TGFBR2: variants seen among roughly 807,000 people sequenced by gnomAD.
The protein encoded by TGFBR2 is transforming growth factor beta receptor 2.
TGFBR2 carries 18 observed loss-of-function variants against 49.0 expected under a neutral mutation model. The observed-to-expected ratio is 0.37, with a 90% CI of 0.25 to 0.54. The LOEUF (loss-of-function observed/expected upper bound fraction) is 0.54. Among genes scored for constraint, TGFBR2 ranks in the 20% least tolerant of loss-of-function variants. The probability of loss-of-function intolerance (pLI) is 0.85; values close to 1 mark genes in which losing one functional copy is unlikely to be tolerated. For synonymous variants in TGFBR2, 282 were observed against 275.9 expected (o/e 1.02, Z -0.22); for missense variants, 525 against 722.6 (o/e 0.73, Z 3.13).
intron 3 of TGFBR2, among the ~76,000 whole-genome samples, chr3:30,654,133 A>T (rs1052804119): frequency 5.1e-4 from 78 of 152,028 alleles, no homozygotes; most frequent in African/African-American, 1.8e-3. Context: ...TATGCATATG[A>T]TAAAAAATTC....
intron 1 of TGFBR2, among the ~76,000 whole-genome samples, chr3:30,628,678 C>A (rs530268572): frequency 4.0e-5 from 6 of 151,864 alleles, no homozygotes; most frequent in Non-Finnish European, 8.8e-5. Flanking sequence ...TTACTTGATA[C>A]CTTAGGAGTC....
At chr3:30,663,184 C>CTG (rs139503158) in intron 3 of TGFBR2, among the ~76,000 whole-genome samples, 8,416 of 151,234 alleles carry the variant, frequency 0.056, 546 homozygotes, top group East Asian at 0.35. Flanking sequence ...CACTCTCTTT[C>CTG]TGTGTGTGTG....
Position 30,650,463 on chromosome 3 carries a change from G to C in TGFBR2, c.454+3G>C, listed in dbSNP as rs2125410813. The C allele has an allele frequency of 6.2e-7, 1 of 1,613,914 alleles. No individual in the cohort carries two copies. The highest frequency in any genetic ancestry group is 8.5e-7 in the Non-Finnish European group (1 of 1,179,902). ...TGACAACATCATCTTCTCAGAAGGT[G>C]AGTTTTCTTCTCTTAAGGGTGTGGG... On this transcript the variant is annotated splice_donor_region_variant and intron_variant, in intron 3 of 6. Coordinates refer to ENST00000295754, the MANE Select transcript of TGFBR2 (RefSeq NM_003242.6).
Position 30,691,623 on chromosome 3 carries a change from T to G in TGFBR2, c.*24T>G. The G allele has an allele frequency of 1.2e-6, 2 of 1,613,792 alleles. No homozygotes were observed. The highest frequency in any genetic ancestry group is 1.7e-6 in the Non-Finnish European group (2 of 1,179,788). On this transcript the variant is annotated 3_prime_UTR_variant, in exon 7 of 7. Coordinates refer to ENST00000295754, the MANE Select transcript of TGFBR2 (RefSeq NM_003242.6). ...AGCTCTTCTGGGGCAGGCTGGGCCA[T>G]GTCCAAAGAGGCTGCCCCTCTCACC...
intron 1 of TGFBR2, among the ~76,000 whole-genome samples, 188 bp from the exon 2 acceptor site, chr3:30,644,559 C>A (rs1294876927): frequency 6.6e-6 from 1 of 152,070 alleles, no homozygotes; most frequent in Non-Finnish European, 1.5e-5. Flanking sequence ...CACCACGGTA[C>A]AATGGATTTT....
chr3:30,612,965 A>G (rs1698057049), intron 1 of TGFBR2, among the ~76,000 whole-genome samples: 1 of 152,070 alleles, frequency 6.6e-6, no homozygotes, highest in Admixed American at 6.5e-5. Flanking sequence ...TCTTGGGTGT[A>G]GTCAGTTTAG....
chr3:30,638,197 C>T (rs1308717405), intron 1 of TGFBR2, among the ~76,000 whole-genome samples: 1 of 152,092 alleles, frequency 6.6e-6, no homozygotes, highest in East Asian at 1.9e-4. Flanking sequence ...TATTTGTTTC[C>T]AATAAGCATT....
intron 6 of TGFBR2, among the ~76,000 whole-genome samples, chr3:30,689,738 T>TA (rs1288778630): frequency 1.3e-5 from 2 of 152,202 alleles, no homozygotes; most frequent in Non-Finnish European, 2.9e-5. Context: ...GCTGGAGTGT[T>TA]ATGTTTCTTT....
chr3:30,626,633 A>C, intron 1 of TGFBR2: 1 of 152,608 alleles, frequency 6.6e-6, no homozygotes, highest in Non-Finnish European at 1.5e-5. Flanking sequence ...GCCATGGCCA[A>C]AGCAGGCAGT....
At chr3:30,655,053 C>T (rs1354240076) in intron 3 of TGFBR2, among the ~76,000 whole-genome samples, 1 of 152,208 alleles carries the variant, frequency 6.6e-6, no homozygotes, top group Non-Finnish European at 1.5e-5. Flanking sequence ...GACTTGACAT[C>T]TCCATGCTTC....
At chr3:30,613,688 C>A (rs921312269) in intron 1 of TGFBR2, among the ~76,000 whole-genome samples, 2 of 152,156 alleles carry the variant, frequency 1.3e-5, no homozygotes, top group Non-Finnish European at 2.9e-5. Flanking sequence ...TTAAACCACC[C>A]ATTTCTGTGG....
At chr3:30,609,323 G>A (rs1041128135) in intron 1 of TGFBR2, among the ~76,000 whole-genome samples, 3 of 152,062 alleles carry the variant, frequency 2.0e-5, no homozygotes, top group East Asian at 3.8e-4. Context: ...TTTCTCTAAC[G>A]TAATTGGTAA....
rs1304457242 is a variant in TGFBR2, at chr3:30,692,905, G to A, written c.*1306G>A. 4.3e-6 allele frequency: 1 copy of A among 233,124 alleles called. No individual in the cohort carries two copies. Among genetic ancestry groups the A allele is most frequent in the Admixed American group, 5.6e-5 (1 of 17,772 alleles). 14.4% of individuals were successfully genotyped at this position (233,124 alleles called of 1,614,324 possible). On this transcript the variant is annotated 3_prime_UTR_variant, in exon 7 of 7. Transcript: ENST00000295754. The stretch of plus-strand genomic sequence containing the variant: ...GTCCACGTTCACAAAATGTGAAGGT[G>A]TGGAGACACTTACAAAGCTGCCTCA...
chr3:30,655,508 C>G (rs1237500453), intron 3 of TGFBR2, among the ~76,000 whole-genome samples: 1 of 152,186 alleles, frequency 6.6e-6, no homozygotes, highest in Non-Finnish European at 1.5e-5. Flanking sequence ...AAATTAGACA[C>G]GTTGTTCCTG....
At position 30,672,134 on chromosome 3, in the gene TGFBR2, G is replaced by T. The variant is rs2125435278; in HGVS notation, c.951G>T (p.Leu317Phe). 1 of 1,614,168 alleles carries T rather than the reference G, an allele frequency of 6.2e-7. No homozygotes were observed. Among genetic ancestry groups the T allele is most frequent in the Non-Finnish European group, 8.5e-7 (1 of 1,180,018 alleles). Residue 317 changes from leucine (L) to phenylalanine (F), a missense_variant, in exon 4 of 7, where the codon TTG becomes TTT. By Grantham distance (22) the Leu-to-Phe change is conservative. This residue lies in a region of TGFBR2 where 376 missense variants were observed against 478.2 expected (regional missense o/e 0.79). Coordinates refer to ENST00000295754, the MANE Select transcript of TGFBR2 (RefSeq NM_003242.6). The surrounding 1 kb of genome is among the most constrained non-coding windows in gnomAD (Gnocchi z 4.5). The stretch of plus-strand genomic sequence containing the variant: ...CGGCTGAGGAGCGGAAGACGGAGTT[G>T]GGGAAACAATACTGGCTGATCACCG... Reference protein sequence around the residue: ...FLTAEERKTELGKQYWLITAF... With the variant: ...FLTAEERKTEFGKQYWLITAF...
chr3:30,617,890 G>C (rs1004901811), intron 1 of TGFBR2, among the ~76,000 whole-genome samples: 1 of 152,186 alleles, frequency 6.6e-6, no homozygotes, highest in Admixed American at 6.5e-5. Flanking sequence ...ATAGCAGTTT[G>C]AAAAACACTG....
chr3:30,633,892 G>C (rs1698481790), intron 1 of TGFBR2, among the ~76,000 whole-genome samples: 1 of 152,162 alleles, frequency 6.6e-6, no homozygotes, highest in African/African-American at 2.4e-5. Context: ...CTGTGCCCAA[G>C]TTATTTGGTT....
chr3:30,660,166 G>A (rs1559462687), intron 3 of TGFBR2, among the ~76,000 whole-genome samples: 1 of 151,966 alleles, frequency 6.6e-6, no homozygotes, highest in Non-Finnish European at 1.5e-5. Flanking sequence ...TATGCCTTTT[G>A]TTGCCTAATT....
intron 1 of TGFBR2, among the ~76,000 whole-genome samples, chr3:30,631,569 C>G (rs970534490): frequency 6.6e-6 from 1 of 151,298 alleles, no homozygotes; most frequent in Non-Finnish European, 1.5e-5. Flanking sequence ...TTTCAAATTT[C>G]CTGCCCTTTG....
Sources: allele counts gnomAD v4.1 joint callset (sites outside exome capture counted in the v4.1 genomes callset), GRCh38; gene constraint gnomAD v4.1.1; regional missense constraint gnomAD v4.1.1; non-coding constraint Gnocchi (gnomAD v3.1); transcripts MANE v1.5; gene names NCBI Gene and HGNC (gene_info 2026-07-23, HGNC 2026-07-21).